Variants in IMMP2L observed in about 807,000 individuals in gnomAD.
The protein encoded by IMMP2L is inner mitochondrial membrane peptidase subunit 2, also known as mitochondrial inner membrane protease subunit 2.
In IMMP2L, 18 loss-of-function variants were observed where a neutral mutation model predicts 19.3. The observed-to-expected ratio is 0.93, with a 90% CI of 0.64 to 1.38. The LOEUF is 1.38. Ranked by LOEUF, IMMP2L falls within the 40% of genes most tolerant of loss-of-function variation. The probability of loss-of-function intolerance (pLI) is 0.00; values close to 1 mark genes in which losing one functional copy is unlikely to be tolerated. For synonymous variants in IMMP2L, 76 were observed against 73.0 expected, an observed-to-expected ratio of 1.04 and a Z score of -0.21; for missense variants, 233 against 218.2, an observed-to-expected ratio of 1.07 and a Z score of -0.43.
At chr7:110,801,342 G>A (rs968625437) in intron 5 of IMMP2L, among the ~76,000 whole-genome samples, 8 of 151,932 alleles carry the variant, frequency 5.3e-5, no homozygotes, top group African/African-American at 1.9e-4. Flanking sequence ...AATTTTATTT[G>A]AACTTCCCAT....
intron 3 of IMMP2L, among the ~76,000 whole-genome samples, chr7:111,242,572 T>C (rs1305672253): frequency 2.0e-5 from 3 of 151,994 alleles, no homozygotes; most frequent in South Asian, 4.1e-4. Flanking sequence ...CCCACGTACT[T>C]TTTGCATCGG....
chr7:111,411,538 T>C (rs1030116399), intron 3 of IMMP2L: 3 of 392,134 alleles, frequency 7.7e-6, no homozygotes, highest in Non-Finnish European at 1.5e-5. Context: ...AGTCCAGAGG[T>C]ATCTACAAGA....
chr7:111,010,206 T>A (rs1020933463), intron 3 of IMMP2L, among the ~76,000 whole-genome samples: 1 of 152,134 alleles, frequency 6.6e-6, no homozygotes, highest in Non-Finnish European at 1.5e-5. Context: ...CTTAGTTATA[T>A]CTCATTTCTA....
chr7:111,309,634 GA>G (rs1243645034), intron 3 of IMMP2L, among the ~76,000 whole-genome samples: 6 of 151,832 alleles, frequency 4.0e-5, no homozygotes. Context: ...GTATTTGGAT[GA>G]AAAAAAGATC....
At chr7:111,152,764 A>G (rs1804221924) in intron 3 of IMMP2L, among the ~76,000 whole-genome samples, 1 of 152,120 alleles carries the variant, frequency 6.6e-6, no homozygotes, top group South Asian at 2.1e-4. Flanking sequence ...AATAATGTCT[A>G]TTTACTTTCT....
Position 110,879,636 on chromosome 7 carries a change from T to C in IMMP2L, c.408+6957A>G, listed in dbSNP as rs1164918292. On this transcript the variant is annotated intron_variant, in intron 5 of 5. Coordinates refer to ENST00000405709, the MANE Select transcript of IMMP2L (RefSeq NM_032549.4). ...TTTTCTATTTCTTGATATCTAGTCA[T>C]GTTTCACCATGTATATAATAGCTAT... is the stretch of plus-strand genomic sequence containing the variant. Among the ~76,000 whole-genome samples the C allele has an allele frequency of 2.6e-5, 4 of 152,146 alleles. No homozygotes were observed. The East Asian group carries it at 7.7e-4, about 29-fold the overall frequency.
chr7:110,824,492 GACTAGCTGGACCACAGGC>G (rs1463127878), intron 5 of IMMP2L, among the ~76,000 whole-genome samples: 1 of 152,072 alleles, frequency 6.6e-6, no homozygotes, highest in Non-Finnish European at 1.5e-5. Flanking sequence ...TCAGCCTCCT[GACTAGCTGGACCACAGGC>G]ACACACCACC....
rs1209147693 is a variant in IMMP2L at position 111,213,084 on chromosome 7, A to C, written c.240-249519T>G. Among the ~76,000 whole-genome samples, 1 of 152,192 alleles carries C rather than the reference A, an allele frequency of 6.6e-6. No individual in the cohort carries two copies. Among genetic ancestry groups the C allele is most frequent in the Non-Finnish European group, 1.5e-5 (1 of 68,032 alleles). ...TGCAGCCACCCAAGTGGCGGCTCCA[A>C]ACCCAGGCATTTCTACACTCTTGGA... On this transcript the variant is annotated intron_variant, in intron 3 of 5. Coordinates refer to ENST00000405709, the MANE Select transcript of IMMP2L (RefSeq NM_032549.4). This position sits in a 1 kb window ranked among gnomAD's most constrained non-coding sequence, Gnocchi z 4.8.
chr7:111,376,813 T>G (rs1484882466), intron 3 of IMMP2L, among the ~76,000 whole-genome samples: 1 of 152,112 alleles, frequency 6.6e-6, no homozygotes, highest in Non-Finnish European at 1.5e-5. Context: ...ACATATCATG[T>G]AATTCCATTT....
chr7:110,829,657 G>A (rs1803792921), intron 5 of IMMP2L, among the ~76,000 whole-genome samples: 2 of 152,040 alleles, frequency 1.3e-5, no homozygotes, highest in South Asian at 2.1e-4. Context: ...GTACTAAATG[G>A]CATGAATAGA....
At chr7:110,704,311 T>C (rs1794496444) in intron 5 of IMMP2L, among the ~76,000 whole-genome samples, 1 of 152,216 alleles carries the variant, frequency 6.6e-6, no homozygotes, top group Non-Finnish European at 1.5e-5. Context: ...TAAGTTACTT[T>C]AGGTTGAATA....
chr7:111,337,122 T>C (rs1348838818), intron 3 of IMMP2L, among the ~76,000 whole-genome samples: 1 of 152,080 alleles, frequency 6.6e-6, no homozygotes, highest in Non-Finnish European at 1.5e-5. Context: ...TTCAGTAAGA[T>C]TTCTATATTA....
rs1419699430 is a variant in IMMP2L, at chr7:110,790,940, CT to C, written c.408+95652del. Among the ~76,000 whole-genome samples the C allele has an allele frequency of 1.3e-5, 2 of 151,396 alleles. 1 individual carries two copies. The highest frequency in any genetic ancestry group is 4.9e-5 in the African/African-American group (2 of 40,826). On this transcript the variant is annotated intron_variant, in intron 5 of 5. Coordinates refer to ENST00000405709, the MANE Select transcript of IMMP2L (RefSeq NM_032549.4). ...GTGCCACTGTCTTGGAGAAGCACCC[CT>C]GACACCTGCACATACAGATGGCCTA...
chr7:110,732,878 AG>A (rs1032460222), intron 5 of IMMP2L, among the ~76,000 whole-genome samples: 10 of 151,264 alleles, frequency 6.6e-5, no homozygotes, highest in African/African-American at 2.2e-4. Flanking sequence ...CTCAAACTTC[AG>A]GGCTCAAGAG....
intron 3 of IMMP2L, among the ~76,000 whole-genome samples, chr7:111,012,462 C>T (rs1399089469): frequency 6.6e-6 from 1 of 152,078 alleles, no homozygotes; most frequent in Non-Finnish European, 1.5e-5. Flanking sequence ...CTACATTATA[C>T]TTTTTCAATT....
intron 2 of IMMP2L, among the ~76,000 whole-genome samples, chr7:111,513,599 C>T (rs1235710797): frequency 6.6e-6 from 1 of 152,128 alleles, no homozygotes; most frequent in Non-Finnish European, 1.5e-5. Flanking sequence ...ACTCTCACTT[C>T]TGGATATGTA....
chr7:111,210,384 T>C lies in IMMP2L; in HGVS notation c.240-246819A>G, dbSNP rs113377139. ...GTTTATTTCACGTGTAAACTTACAA[T>C]TGCAAAAACTAACAAAATTCCTCAA... On this transcript the variant is annotated intron_variant, in intron 3 of 5. Coordinates refer to ENST00000405709, the MANE Select transcript of IMMP2L (RefSeq NM_032549.4). Among the ~76,000 whole-genome samples the C allele has an allele frequency of 3.5e-3, 540 of 152,278 alleles. 2 individuals are homozygous for C. Among genetic ancestry groups the C allele is most frequent in the African/African-American group, 0.012 (510 of 41,546 alleles).
At chr7:110,976,816 T>C (rs1820747486) in intron 3 of IMMP2L, among the ~76,000 whole-genome samples, 1 of 151,918 alleles carries the variant, frequency 6.6e-6, no homozygotes, top group Non-Finnish European at 1.5e-5. Flanking sequence ...ACATGTTCAA[T>C]AAAGACCCAG....
intron 3 of IMMP2L, among the ~76,000 whole-genome samples, chr7:111,111,938 G>GT (rs1554519289): frequency 8.4e-5 from 10 of 118,516 alleles, no homozygotes; most frequent in South Asian, 2.5e-4. Context: ...TATATATATA[G>GT]TTTGTTTTTT....
Sources: allele counts gnomAD v4.1 joint callset (sites outside exome capture counted in the v4.1 genomes callset), GRCh38; gene constraint gnomAD v4.1.1; non-coding constraint Gnocchi (gnomAD v3.1); transcripts MANE v1.5; gene names NCBI Gene and HGNC (gene_info 2026-07-23, HGNC 2026-07-21).